Variants in ANKRD44 observed in about 807,000 individuals in gnomAD.
ANKRD44 encodes serine/threonine-protein phosphatase 6 regulatory ankyrin repeat subunit B.
Under a neutral mutation model 116.0 loss-of-function variants are expected in ANKRD44, and 35 were observed. That is an observed-to-expected ratio of 0.30 (90% CI 0.23 to 0.40). The LOEUF (loss-of-function observed/expected upper bound fraction) is 0.40. ANKRD44 is among the 10% of genes least tolerant of loss of function. The pLI, the probability that ANKRD44 is intolerant of heterozygous loss-of-function variation, is 1.00. For synonymous variants in ANKRD44, 435 were observed against 461.8 expected (o/e 0.94, Z 0.74); for missense variants, 1,014 against 1,242.6 (o/e 0.82, Z 2.77).
At chr2:197,289,337 G>C (rs551671094) in intron 1 of ANKRD44, among the ~76,000 whole-genome samples, 1 of 152,126 alleles carries the variant, frequency 6.6e-6, no homozygotes, top group Non-Finnish European at 1.5e-5. Flanking sequence ...GAAATGGTAC[G>C]ACCACTTTGA....
chr2:197,048,556 A>AT (rs2077047273), intron 16 of ANKRD44, among the ~76,000 whole-genome samples: 1 of 152,140 alleles, frequency 6.6e-6, no homozygotes. Context: ...TCCATGGTGT[A>AT]TATGTGCCAC....
Position 196,995,600 on chromosome 2 carries a change from T to A in ANKRD44, c.2749-139A>T, listed in dbSNP as rs146999110. 4 of 606,790 alleles carry A rather than the reference T, an allele frequency of 6.6e-6. No individual in the cohort carries two copies. The African/African-American group carries it at 7.4e-5, about 11-fold the overall frequency. 37.6% of individuals were successfully genotyped at this position (606,790 alleles called of 1,614,324 possible). A position where few individuals can be genotyped will look rare whatever the true frequency, so the allele number is the denominator to read the frequency against. On this transcript the variant is annotated intron_variant, in intron 25 of 27. Coordinates refer to ENST00000282272, the MANE Select transcript of ANKRD44 (RefSeq NM_001195144.2). ...CTATAGGGCTATTTTCTGAGTAATTTTTTTTCTTCTCAACAACAAATGGGC... is the reference window on the plus strand; with the variant it reads ...CTATAGGGCTATTTTCTGAGTAATTATTTTTCTTCTCAACAACAAATGGGC...
intron 16 of ANKRD44, among the ~76,000 whole-genome samples, chr2:197,061,701 G>A (rs541930759): frequency 6.6e-6 from 1 of 152,154 alleles, no homozygotes; most frequent in South Asian, 2.1e-4. Context: ...ACTAGGAAAT[G>A]TGGGTGATAA....
In ANKRD44 at chr2:197,083,680, C is replaced by T. The variant is rs1400363801; in HGVS notation, c.1317-171G>A. Among the ~76,000 whole-genome samples the T allele has an allele frequency of 4.6e-5, 7 of 152,192 alleles. 1 individual carries two copies. The highest frequency in any genetic ancestry group is 7.3e-5 in the Non-Finnish European group (5 of 68,028). On this transcript the variant is annotated intron_variant, in intron 13 of 27. Coordinates refer to ENST00000282272, the MANE Select transcript of ANKRD44 (RefSeq NM_001195144.2). ...ACTATACAAGTTAGGTATCCCTTAT[C>T]TGAAATGCTTGGAACTAGAAGTGTT...
chr2:197,182,042 C>T (rs1009406092), intron 2 of ANKRD44, among the ~76,000 whole-genome samples: 2 of 152,158 alleles, frequency 1.3e-5, no homozygotes, highest in African/African-American at 4.8e-5. Flanking sequence ...TAAAAGTGTC[C>T]TCTTGACATC....
intron 20 of ANKRD44, among the ~76,000 whole-genome samples, chr2:197,006,348 G>A (rs1359282040): frequency 6.6e-6 from 1 of 152,190 alleles, no homozygotes; most frequent in Non-Finnish European, 1.5e-5. Context: ...GGGAGGCTGA[G>A]GCAGGAGAAT....
intron 2 of ANKRD44, among the ~76,000 whole-genome samples, chr2:197,163,262 T>A (rs1225339430): frequency 2.0e-5 from 3 of 152,202 alleles, no homozygotes; most frequent in Non-Finnish European, 4.4e-5. Context: ...GAGGCTGGGT[T>A]AGCATTCCAC....
At chr2:197,010,464 C>T (rs2076279158) in intron 18 of ANKRD44, among the ~76,000 whole-genome samples, 1 of 152,150 alleles carries the variant, frequency 6.6e-6, no homozygotes, top group Non-Finnish European at 1.5e-5. Flanking sequence ...GCAGGAAATG[C>T]GGCCCCCATG....
chr2:197,236,961 T>C (rs148014107), intron 1 of ANKRD44, among the ~76,000 whole-genome samples: 1 of 152,278 alleles, frequency 6.6e-6, no homozygotes, highest in East Asian at 1.9e-4. Context: ...CTGAGGTTTG[T>C]CTCTCACTAG....
intron 1 of ANKRD44, among the ~76,000 whole-genome samples, chr2:197,216,424 T>C (rs941817720): frequency 6.6e-6 from 1 of 152,266 alleles, no homozygotes; most frequent in Non-Finnish European, 1.5e-5. Flanking sequence ...GCAGGGAAAA[T>C]CTGTGGCTTC....
At chr2:197,146,993 T>C (rs781604759) in intron 3 of ANKRD44, 34 bp downstream of exon 3, 9 of 1,588,548 alleles carry the variant, frequency 5.7e-6, no homozygotes, top group African/African-American at 2.7e-5. Context: ...AAATTTTTAT[T>C]TGCAATTGAC....
intron 1 of ANKRD44, among the ~76,000 whole-genome samples, chr2:197,205,169 G>A: frequency 6.6e-6 from 1 of 152,238 alleles, no homozygotes; most frequent in East Asian, 1.9e-4. Flanking sequence ...TAAGGTCCAG[G>A]AGTGTGTATT....
chr2:197,119,176 CT>C (rs11329579), intron 8 of ANKRD44, among the ~76,000 whole-genome samples: 96,287 of 151,704 alleles, frequency 0.63, 34,067 homozygotes, highest in East Asian at 0.95. Flanking sequence ...ATGTTTAAGA[CT>C]TTTTTGTAGT....
In ANKRD44 at chr2:197,190,520, T is replaced by A. The variant is rs567827207; in HGVS notation, c.28-3414A>T. On this transcript the variant is annotated intron_variant, in intron 1 of 27. Transcript: ENST00000282272. ...TTATTTTTTAAATATTATGACTGCTTCTTCTTTTTTTCTCTCCACACTCCC... is the reference window on the plus strand; with the variant it reads ...TTATTTTTTAAATATTATGACTGCTACTTCTTTTTTTCTCTCCACACTCCC... 1.5e-4 allele frequency among the ~76,000 whole-genome samples: 23 copies of A among 152,312 alleles called. No individual in the cohort carries two copies. The East Asian group carries it at 4.2e-3, about 28-fold the overall frequency.
At position 197,005,706 on chromosome 2, in the gene ANKRD44, C is replaced by T. The variant is rs766718990; in HGVS notation, c.2335G>A (p.Ala779Thr). 6.2e-7 allele frequency: 1 copy of T among 1,614,186 alleles called. No homozygotes were observed. Among genetic ancestry groups the T allele is most frequent in the Admixed American group, 1.7e-5 (1 of 60,032 alleles). Residue 779 changes from alanine to threonine, a missense_variant, in exon 21 of 28, where the codon GCT (alanine) becomes ACT (threonine). Ala to Thr is a moderately conservative substitution (Grantham distance 58). Transcript: ENST00000282272. ...DNQGYTPLHWACYNGNENCIE... is the reference protein window; with the variant it reads ...DNQGYTPLHWTCYNGNENCIE... ...ATAAGCAACTCACCATTGTAACAAG[C>T]CCAGTGCAGCGGCGTGTAGCCTTGG...
At chr2:197,037,805 T>C (rs1159440430) in intron 16 of ANKRD44, among the ~76,000 whole-genome samples, 1 of 152,048 alleles carries the variant, frequency 6.6e-6, no homozygotes, top group African/African-American at 2.4e-5. Context: ...TAGCCAAATA[T>C]AGTGGTCGTG....
At chr2:197,001,369 T>C (rs948072744) in intron 22 of ANKRD44, among the ~76,000 whole-genome samples, 4 of 152,256 alleles carry the variant, frequency 2.6e-5, no homozygotes, top group Admixed American at 1.3e-4. Flanking sequence ...AATTTCAATA[T>C]ATGAAAAGTT....
chr2:197,091,282 C>T (rs2125182027), intron 10 of ANKRD44, among the ~76,000 whole-genome samples: 1 of 152,352 alleles, frequency 6.6e-6, no homozygotes, highest in African/African-American at 2.4e-5. Flanking sequence ...TTCCAGCACT[C>T]ACTCACCCCA....
intron 16 of ANKRD44, among the ~76,000 whole-genome samples, chr2:197,071,076 C>A (rs538285935): frequency 1.3e-5 from 2 of 152,252 alleles, no homozygotes; most frequent in East Asian, 3.9e-4. Context: ...TCCCCTATTT[C>A]ATTCCTGATA....
Sources: allele counts gnomAD v4.1 joint callset (sites outside exome capture counted in the v4.1 genomes callset), GRCh38; gene constraint gnomAD v4.1.1; transcripts MANE v1.5; gene names NCBI Gene and HGNC (gene_info 2026-07-23, HGNC 2026-07-21).